Variants in ITCH observed in about 807,000 individuals in gnomAD.
The protein encoded by ITCH is E3 ubiquitin-protein ligase Itchy homolog.
ITCH carries 28 observed loss-of-function variants against 126.8 expected under a neutral mutation model. The ratio of observed to expected loss-of-function variants is 0.22; its 90% confidence interval spans 0.16 to 0.30. The LOEUF (loss-of-function observed/expected upper bound fraction) is 0.30. Ranked by LOEUF, ITCH falls within the 10% of genes least tolerant of loss-of-function variation. ITCH has a pLI of 1.00. For synonymous variants in ITCH, 342 were observed against 340.0 expected (o/e 1.01, Z -0.06); for missense variants, 631 against 1,032.4 (o/e 0.61, Z 5.33).
intron 3 of ITCH, among the ~76,000 whole-genome samples, chr20:34,396,302 G>A (rs1397949248): frequency 6.6e-6 from 1 of 151,974 alleles, no homozygotes; most frequent in Non-Finnish European, 1.5e-5. Context: ...CCAATGTGCT[G>A]GGATTACAGG....
chr20:34,444,401 T>G (rs1984166597), intron 10 of ITCH, among the ~76,000 whole-genome samples: 1 of 152,062 alleles, frequency 6.6e-6, no homozygotes, highest in Non-Finnish European at 1.5e-5. Flanking sequence ...CTGACCAACA[T>G]GGAGAAACCC....
intron 1 of ITCH, among the ~76,000 whole-genome samples, chr20:34,366,791 G>T (rs1392195114): frequency 2.0e-5 from 3 of 152,142 alleles, no homozygotes; most frequent in African/African-American, 7.2e-5. Context: ...AAATTGCTGT[G>T]TACTGCAGGA....
At chr20:34,478,736 A>G (rs1306808566) in intron 17 of ITCH, among the ~76,000 whole-genome samples, 2 of 152,192 alleles carry the variant, frequency 1.3e-5, no homozygotes, top group African/African-American at 2.4e-5. Flanking sequence ...TCTTATTTAT[A>G]TTATGTTTCT....
chr20:34,410,635 C>A (rs1978894774), intron 4 of ITCH, among the ~76,000 whole-genome samples: 1 of 152,004 alleles, frequency 6.6e-6, no homozygotes, highest in African/African-American at 2.4e-5. Flanking sequence ...GTGCTTTAGC[C>A]CAGGAGGAGT....
intron 23 of ITCH, among the ~76,000 whole-genome samples, chr20:34,493,548 C>G (rs1569001967): frequency 6.6e-6 from 1 of 151,878 alleles, no homozygotes; most frequent in Non-Finnish European, 1.5e-5. Flanking sequence ...AGGTAAAGTT[C>G]CAAAGGAGAA....
intron 2 of ITCH, among the ~76,000 whole-genome samples, chr20:34,381,514 C>G (rs1272132925): frequency 6.6e-6 from 1 of 152,018 alleles, no homozygotes; most frequent in Non-Finnish European, 1.5e-5. Context: ...GCAACCTCCG[C>G]CTCCTGGGTT....
chr20:34,423,909 A>G (rs1320931318), intron 6 of ITCH, among the ~76,000 whole-genome samples: 1 of 152,148 alleles, frequency 6.6e-6, no homozygotes, highest in Non-Finnish European at 1.5e-5. Flanking sequence ...GGCTCCTCCA[A>G]CACTGTTACA....
Position 34,462,186 on chromosome 20 carries a change from C to T in ITCH, c.1389C>T (p.Thr463=), listed in dbSNP as rs950440320. Residue 463 remains threonine, a synonymous_variant, in exon 14 of 25, where the codon ACC becomes ACT. Coordinates refer to ENST00000374864, the MANE Select transcript of ITCH (RefSeq NM_031483.7). ...PYFVDHNRRT[T]TYIDPRTGKS... Reference sequence around the variant, plus strand: ...TTGTGGACCACAATAGAAGAACTACCACCTATATAGATCCCCGCACAGGAA... The same window carrying T: ...TTGTGGACCACAATAGAAGAACTACTACCTATATAGATCCCCGCACAGGAA... 3 of 1,613,842 alleles carry T rather than the reference C, an allele frequency of 1.9e-6. No individual in the cohort carries two copies. Among genetic ancestry groups the T allele is most frequent in the South Asian group, 2.2e-5 (2 of 91,072 alleles).
Position 34,438,600 on chromosome 20 carries a change from A to C in ITCH, c.648A>C (p.Ser216=), listed in dbSNP as rs780633994. 6 of 1,613,900 alleles carry C rather than the reference A, an allele frequency of 3.7e-6. No individual in the cohort carries two copies. The highest frequency in any genetic ancestry group is 3.3e-5 in the Admixed American group (2 of 59,958). The part of the protein sequence containing the change: ...GFKPSRPPRP[S]RPPPPTPRRP... ...AACCTTCTAGACCTCCAAGACCTTC[A>C]CGACCACCACCACCCACCCCACGTA... Residue 216 remains serine, a synonymous_variant, in exon 8 of 25, where the codon TCA becomes TCC. Transcript: ENST00000374864.
chr20:34,464,976 T>C (rs1291757173), intron 14 of ITCH, among the ~76,000 whole-genome samples: 2 of 151,956 alleles, frequency 1.3e-5, no homozygotes, highest in African/African-American at 2.4e-5. Flanking sequence ...TCCCAAAGAG[T>C]AGGGATTACA....
chr20:34,507,676 T>A lies in ITCH; in HGVS notation c.2490-19T>A. The A allele has an allele frequency of 2.5e-6, 4 of 1,597,630 alleles. No homozygotes were observed. The highest frequency in any genetic ancestry group is 1.1e-5 in the South Asian group (1 of 90,718). On this transcript the variant is annotated intron_variant, in intron 24 of 24. Coordinates refer to ENST00000374864, the MANE Select transcript of ITCH (RefSeq NM_031483.7). Reference sequence around the variant, plus strand: ...CTTTGCATATTTCCTTTTCTCAAACTAACAATTCTTGCTTTTAGTTTTAAT... The same window carrying A: ...CTTTGCATATTTCCTTTTCTCAAACAAACAATTCTTGCTTTTAGTTTTAAT...
At chr20:34,488,673 A>G (rs757365935) in intron 20 of ITCH, among the ~76,000 whole-genome samples, 1 of 152,140 alleles carries the variant, frequency 6.6e-6, no homozygotes, top group African/African-American at 2.4e-5. Flanking sequence ...AGATTGTATC[A>G]TTGCACTCCA....
chr20:34,372,794 C>G (rs963269202), intron 2 of ITCH, among the ~76,000 whole-genome samples: 1 of 151,958 alleles, frequency 6.6e-6, no homozygotes, highest in African/African-American at 2.4e-5. Context: ...GTGCTAGGTT[C>G]CAAGGGGTAC....
intron 2 of ITCH, among the ~76,000 whole-genome samples, chr20:34,370,253 C>T (rs762605178): frequency 2.4e-4 from 36 of 152,246 alleles, no homozygotes; most frequent in Admixed American, 5.2e-4. Context: ...TCAGTTTATA[C>T]ATCTGTAAAA....
intron 14 of ITCH, among the ~76,000 whole-genome samples, chr20:34,465,813 A>G (rs1227950616): frequency 2.0e-5 from 3 of 152,064 alleles, no homozygotes; most frequent in Non-Finnish European, 2.9e-5. Flanking sequence ...GTTGTGGAAT[A>G]TTTAGTGTTT....
chr20:34,479,577 G>T, intron 17 of ITCH, 53 bp from the exon 18 acceptor site: 2 of 1,500,610 alleles, frequency 1.3e-6, no homozygotes, highest in African/African-American at 1.4e-5. Context: ...ACTGTTCTTT[G>T]ATTTCTTGGT....
chr20:34,484,551 G>A (rs1361442594), intron 20 of ITCH, among the ~76,000 whole-genome samples: 2 of 152,076 alleles, frequency 1.3e-5, no homozygotes, highest in Non-Finnish European at 2.9e-5. Context: ...GTAATGTTTC[G>A]AGATTCCAAG....
In ITCH at chr20:34,480,840, A is replaced by G. The variant is rs1352190826; in HGVS notation, c.1952+108A>G. 7.8e-5 allele frequency: 80 copies of G among 1,031,198 alleles called. 1 individual carries two copies. The highest frequency in any genetic ancestry group is 6.1e-5 in the Non-Finnish European group (43 of 704,350). 63.9% of individuals were successfully genotyped at this position (1,031,198 alleles called of 1,614,324 possible). ...CACATAATTGGTTTATTGTATTTAAATGATCTATATATCAAACCTGTCTTT... is the reference window on the plus strand; with the variant it reads ...CACATAATTGGTTTATTGTATTTAAGTGATCTATATATCAAACCTGTCTTT... On this transcript the variant is annotated intron_variant, in intron 19 of 24. Coordinates refer to ENST00000374864, the MANE Select transcript of ITCH (RefSeq NM_031483.7).
At chr20:34,372,138 C>T (rs1031716197) in intron 2 of ITCH, among the ~76,000 whole-genome samples, 1 of 151,568 alleles carries the variant, frequency 6.6e-6, no homozygotes, top group Non-Finnish European at 1.5e-5. Context: ...AACCCCGTCT[C>T]TACTAAAAAT....
Sources: gnomAD v4.1 joint callset for allele counts (sites outside exome capture counted in the v4.1 genomes callset) on GRCh38, gnomAD v4.1.1 for gene constraint, MANE v1.5 for transcripts, NCBI Gene and HGNC (gene_info 2026-07-23, HGNC 2026-07-21) for gene names.